CTNNA2: variants seen among roughly 807,000 people sequenced by gnomAD.
The protein encoded by CTNNA2 is catenin alpha-2.
In CTNNA2, 42 loss-of-function variants were observed where a neutral mutation model predicts 101.0. The ratio of observed to expected loss-of-function variants is 0.42; its 90% CI spans 0.32 to 0.54. CTNNA2 has a LOEUF of 0.54. Ranked by LOEUF, CTNNA2 falls within the 20% of genes least tolerant of loss-of-function variation. The pLI is 0.14. For missense variants in CTNNA2, 871 were observed against 1,223.1 expected, an observed-to-expected ratio of 0.71 and a Z score of 4.29; for synonymous variants, 450 against 456.4, an observed-to-expected ratio of 0.99 and a Z score of 0.18.
chr2:79,853,912 C>T (rs1558582653), intron 3 of CTNNA2, among the ~76,000 whole-genome samples: 2 of 149,988 alleles, frequency 1.3e-5, no homozygotes, highest in African/African-American at 2.4e-5. Flanking sequence ...AGGTGATCCA[C>T]CCGCCTTTGC....
chr2:79,470,053 T>A (rs1670981149), intron 4 of CTNNA2, among the ~76,000 whole-genome samples: 1 of 152,146 alleles, frequency 6.6e-6, no homozygotes, highest in Non-Finnish European at 1.5e-5. Context: ...GAGAAGGAAA[T>A]AAAGGGTATT....
At chr2:79,784,334 A>C (rs1233706346) in intron 3 of CTNNA2, among the ~76,000 whole-genome samples, 1 of 151,926 alleles carries the variant, frequency 6.6e-6, no homozygotes, top group Admixed American at 6.6e-5. Flanking sequence ...GGGCACAGTT[A>C]TGACCACGGG....
At chr2:80,590,518 T>C (rs1320303367) in intron 15 of CTNNA2, among the ~76,000 whole-genome samples, 1 of 152,164 alleles carries the variant, frequency 6.6e-6, no homozygotes, top group Non-Finnish European at 1.5e-5. Flanking sequence ...GTAAGATATA[T>C]GGGAATGTCA....
Position 80,510,356 on chromosome 2 carries a change from T to C in CTNNA2, c.1291-34626T>C, listed in dbSNP as rs577588482. Reference sequence around the variant, plus strand: ...GCTTCAGACCTCATCATCTTTCATTTGAAATATACTGTTACGTGAAGTCTC... The same window carrying C: ...GCTTCAGACCTCATCATCTTTCATTCGAAATATACTGTTACGTGAAGTCTC... On this transcript the variant is annotated intron_variant, in intron 9 of 18. Transcript: ENST00000402739. Among the ~76,000 whole-genome samples the C allele has an allele frequency of 2.0e-5, 3 of 152,320 alleles. No individual in the cohort carries two copies. The East Asian group carries it at 5.8e-4, about 29-fold the overall frequency.
intron 7 of CTNNA2, among the ~76,000 whole-genome samples, chr2:80,288,037 G>A (rs773898385): frequency 6.6e-5 from 10 of 152,048 alleles, no homozygotes; most frequent in Non-Finnish European, 1.0e-4. Flanking sequence ...TCATCTCCCC[G>A]CTACCAACCC....
chr2:79,612,157 G>C lies in CTNNA2; in HGVS notation c.-5-39395G>C, dbSNP rs368724264. Among the ~76,000 whole-genome samples, 25 of 152,272 alleles carry C rather than the reference G, an allele frequency of 1.6e-4. No individual in the cohort carries two copies. In the East Asian group the frequency reaches 3.9e-3, roughly 24 times the overall value. ...GTTTATGGGTTAGTAGCCAGTCCTG[G>C]TAGAACAAATGAATCCTGAGTGCAA... On this transcript the variant is annotated intron_variant, in intron 1 of 18. Transcript: ENST00000402739.
chr2:79,200,288 G>A (rs1674017912), intron 2 of CTNNA2, among the ~76,000 whole-genome samples: 1 of 151,976 alleles, frequency 6.6e-6, no homozygotes, highest in East Asian at 1.9e-4. Context: ...GGAGGCTGAG[G>A]CAGGAGAATC....
chr2:79,704,673 T>C (rs1414508795), intron 2 of CTNNA2, among the ~76,000 whole-genome samples: 1 of 150,094 alleles, frequency 6.7e-6, no homozygotes, highest in Non-Finnish European at 1.5e-5. Context: ...CCACCACGCC[T>C]GGCTAATTTT....
intron 3 of CTNNA2, among the ~76,000 whole-genome samples, chr2:79,850,323 ATCCC>A (rs1483917961): frequency 1.3e-4 from 5 of 39,074 alleles, no homozygotes; most frequent in Admixed American, 3.5e-4. Flanking sequence ...TTCTTCCTTC[ATCCC>A]TCCCTCCCTC....
At chr2:79,754,340 C>T (rs1322725671) in intron 3 of CTNNA2, among the ~76,000 whole-genome samples, 2 of 152,128 alleles carry the variant, frequency 1.3e-5, no homozygotes, top group Non-Finnish European at 2.9e-5. Context: ...CTGCTTCTCA[C>T]CCTCTTTGGT....
chr2:80,525,953 T>G (rs182546258), intron 9 of CTNNA2, among the ~76,000 whole-genome samples: 2 of 152,220 alleles, frequency 1.3e-5, no homozygotes, highest in African/African-American at 4.8e-5. Flanking sequence ...TTTCATTTTT[T>G]GCCATTGAAA....
At chr2:79,653,512 T>C (rs1257270529) in intron 2 of CTNNA2, among the ~76,000 whole-genome samples, 1 of 152,164 alleles carries the variant, frequency 6.6e-6, no homozygotes, top group Non-Finnish European at 1.5e-5. Context: ...GCTGAGGGGA[T>C]CCATGAATTA....
At chr2:80,532,953 G>A (rs1055726743) in intron 9 of CTNNA2, among the ~76,000 whole-genome samples, 2 of 152,148 alleles carry the variant, frequency 1.3e-5, no homozygotes, top group African/African-American at 2.4e-5. Context: ...ATGACAGGGA[G>A]GCTGCCTTGG....
At chr2:80,478,291 C>T (rs75461356) in intron 9 of CTNNA2, among the ~76,000 whole-genome samples, 3,276 of 152,152 alleles carry the variant, frequency 0.022, 120 homozygotes, top group African/African-American at 0.074. Context: ...ATTCTGGATA[C>T]TAGTCCTTTG....
At chr2:79,926,412 C>A (rs1687023800) in intron 7 of CTNNA2, among the ~76,000 whole-genome samples, 1 of 152,048 alleles carries the variant, frequency 6.6e-6, no homozygotes, top group African/African-American at 2.4e-5. Context: ...TCCCGTAAGA[C>A]CTTTTATTTA....
At position 79,383,912 on chromosome 2, in the gene CTNNA2, A is replaced by T. The variant is rs564694430; in HGVS notation, c.-135+9899A>T. On this transcript the variant is annotated intron_variant, in intron 4 of 21. Coordinates refer to the CTNNA2 transcript ENST00000466387. ...CATGGCATGCCTATTGACAGCAGCA[A>T]GGAACAACTGTTATCTTTGAAAATA... 1.8e-4 allele frequency among the ~76,000 whole-genome samples: 27 copies of T among 152,338 alleles called. 1 individual carries two copies. The South Asian group carries it at 5.0e-3, about 28-fold the overall frequency.
At chr2:80,571,822 G>C (rs1225608271) in intron 12 of CTNNA2, among the ~76,000 whole-genome samples, 7 of 152,046 alleles carry the variant, frequency 4.6e-5, no homozygotes, top group Non-Finnish European at 8.8e-5. Context: ...ATAGGGCTGG[G>C]GTAGAGCCTG....
intron 9 of CTNNA2, among the ~76,000 whole-genome samples, chr2:80,533,002 G>A (rs1055531130): frequency 2.6e-5 from 4 of 152,078 alleles, no homozygotes; most frequent in Non-Finnish European, 5.9e-5. Flanking sequence ...GTCTTGAACG[G>A]GGAGCCATGG....
intron 3 of CTNNA2, among the ~76,000 whole-genome samples, chr2:79,345,199 T>C (rs1235745862): frequency 1.3e-5 from 2 of 152,070 alleles, no homozygotes; most frequent in East Asian, 3.9e-4. Context: ...TCCTCACATT[T>C]TTCTTCTGTT....
Sources: allele counts gnomAD v4.1 joint callset (sites outside exome capture counted in the v4.1 genomes callset), GRCh38; gene constraint gnomAD v4.1.1; transcripts MANE v1.5; gene names NCBI Gene and HGNC (gene_info 2026-07-23, HGNC 2026-07-21).